The following GRIP2 variants were observed in gnomAD, a reference collection of about 807,000 sequenced individuals.
The protein encoded by GRIP2 is glutamate receptor-interacting protein 2.
In GRIP2, 58 loss-of-function variants were observed where a neutral mutation model predicts 108.3. That is an observed-to-expected ratio of 0.54 (90% CI 0.43 to 0.67). The LOEUF (loss-of-function observed/expected upper bound fraction) is 0.67. Ranked by LOEUF, GRIP2 falls within the 30% of genes least tolerant of loss-of-function variation. The pLI, the probability that GRIP2 is intolerant of heterozygous loss-of-function variation, is 0.00. For synonymous variants in GRIP2, 586 were observed against 598.2 expected (o/e 0.98, Z 0.30); for missense variants, 1,278 against 1,430.6 (o/e 0.89, Z 1.72).
chr3:14,516,548 T>C (rs1479484849), intron 11 of GRIP2, among the ~76,000 whole-genome samples: 1 of 152,250 alleles, frequency 6.6e-6, no homozygotes, highest in Non-Finnish European at 1.5e-5. Flanking sequence ...TAAATATCTT[T>C]ATTTCAAAAG....
the GRIP2 span, among the ~76,000 whole-genome samples, chr3:14,583,112 C>T: frequency 9.2e-5 from 14 of 152,196 alleles, no homozygotes; most frequent in Admixed American, 3.3e-4. Flanking sequence ...TGTCATTGCT[C>T]CCCTACCCCT....
rs964060760 is a variant in GRIP2, at chr3:14,517,713, GCCCC to G, written c.1156+55_1156+58del. ...TTCCTTCCCTTAGACAACAGGCATC[GCCCC>G]CTCCCTAGGAAAGGCTACAAGACTG... is the stretch of plus-strand genomic sequence containing the variant. On this transcript the variant is annotated intron_variant, in intron 10 of 23. Coordinates refer to ENST00000621039, the MANE Select transcript of GRIP2 (RefSeq NM_001080423.4). 1.6e-5 allele frequency: 25 copies of G among 1,588,370 alleles called. No individual in the cohort carries two copies. The Admixed American group carries it at 1.7e-4, about 11-fold the overall frequency.
chr3:14,585,589 C>T, the GRIP2 span, among the ~76,000 whole-genome samples: 5 of 152,294 alleles, frequency 3.3e-5, no homozygotes, highest in Non-Finnish European at 5.9e-5. Flanking sequence ...AGGAAACAGA[C>T]GTGAGCTGCA....
intron 19 of GRIP2, among the ~76,000 whole-genome samples, chr3:14,506,305 C>G (rs1693925252): frequency 6.6e-6 from 1 of 152,138 alleles, no homozygotes; most frequent in Admixed American, 6.5e-5. Flanking sequence ...GGCCAGCCAC[C>G]AGACTCAGAC....
chr3:14,584,317 A>G, the GRIP2 span, among the ~76,000 whole-genome samples: 1 of 152,104 alleles, frequency 6.6e-6, no homozygotes, highest in African/African-American at 2.4e-5. Flanking sequence ...AACAGACTCC[A>G]CTTGGGGCTG....
chr3:14,500,492 G>A (rs973737160), intron 21 of GRIP2, among the ~76,000 whole-genome samples: 1 of 152,176 alleles, frequency 6.6e-6, no homozygotes, highest in Non-Finnish European at 1.5e-5. Flanking sequence ...CTCCTGGAAA[G>A]AAAAGACACA....
intron 20 of GRIP2, among the ~76,000 whole-genome samples, chr3:14,504,877 C>T (rs1430762388): frequency 1.3e-5 from 2 of 151,696 alleles, no homozygotes. Context: ...CTAGGGGCCA[C>T]GCGTGGAGCT....
In GRIP2 at chr3:14,524,381, A is replaced by G. The variant is rs542284035; in HGVS notation, c.403+12T>C. On this transcript the variant is annotated intron_variant, in intron 4 of 23. Coordinates refer to ENST00000621039, the MANE Select transcript of GRIP2 (RefSeq NM_001080423.4). ...AGGCAGTGGAGAAAGTTCCCCGTCCAAGGGCACCCACCGGGCGGGGGCAGC... is the reference window on the plus strand; with the variant it reads ...AGGCAGTGGAGAAAGTTCCCCGTCCGAGGGCACCCACCGGGCGGGGGCAGC... 5.3e-5 allele frequency: 85 copies of G among 1,608,094 alleles called. No homozygotes were observed. The African/African-American group carries it at 7.6e-4, about 14-fold the overall frequency.
At position 14,521,710 on chromosome 3, in the gene GRIP2, G is replaced by A; in HGVS notation, c.644C>T (p.Ala215Val). 6.2e-7 allele frequency: 1 copy of A among 1,611,480 alleles called. No individual in the cohort carries two copies. The highest frequency in any genetic ancestry group is 1.3e-5 in the African/African-American group (1 of 75,030). ...GCTGCACTGCCGCAGGGTGGCCAGG[G>A]CGGTGGCATGGCTGGCCCCGTGCAG... ...IPLHGASHAT[A>V]LATLRQCSHE... The change falls in exon 7 of 24, where the codon GCC becomes GTC. Residue 215 changes from alanine (A) to valine (V), a missense_variant. Coordinates refer to ENST00000621039, the MANE Select transcript of GRIP2 (RefSeq NM_001080423.4). The surrounding 1 kb of genome is among the most constrained non-coding windows in gnomAD (Gnocchi z 5.1).
In GRIP2 at chr3:14,520,284, C is replaced by A. The variant is rs767698584; in HGVS notation, c.861-5G>T. ...CCAGGGTGCAGGGCTCCGCTCCTGG[C>A]CAGGCAGGGGAGTGAAGGCGGAGGC... On this transcript the variant is annotated splice_polypyrimidine_tract_variant and splice_region_variant and intron_variant, in intron 8 of 23. Coordinates refer to ENST00000621039, the MANE Select transcript of GRIP2 (RefSeq NM_001080423.4). The A allele has an allele frequency of 6.2e-7, 1 of 1,612,820 alleles. No homozygotes were observed.
At position 14,535,699 on chromosome 3, in the gene GRIP2, T is replaced by A. The variant is rs188356452; in HGVS notation, c.40+4570A>T. 2.6e-5 allele frequency among the ~76,000 whole-genome samples: 4 copies of A among 152,354 alleles called. No individual in the cohort carries two copies. In the East Asian group the frequency reaches 7.7e-4, roughly 29 times the overall value. On this transcript the variant is annotated intron_variant, in intron 1 of 23. Coordinates refer to ENST00000621039, the MANE Select transcript of GRIP2 (RefSeq NM_001080423.4). ...TGAGGCACAGAGAGGTCAAGGGAACTGCCCAGGGGCACAGAGCTTCTAAGT... is the reference window on the plus strand; with the variant it reads ...TGAGGCACAGAGAGGTCAAGGGAACAGCCCAGGGGCACAGAGCTTCTAAGT...
At position 14,491,245 on chromosome 3, in the gene GRIP2, A is replaced by G. The variant is rs1701328241; in HGVS notation, c.*2420T>C. 6.6e-6 allele frequency: 1 copy of G among 152,212 alleles called. No homozygotes were observed. The highest frequency in any genetic ancestry group is 2.1e-4 in the South Asian group (1 of 4,834). 9.4% of individuals were successfully genotyped at this position (152,212 alleles called of 1,614,324 possible). Reference sequence around the variant, plus strand: ...AAGCCACTGCAACCCCTGGTGGGACAAAGACTTAGACGAGGGCCCCAAACA... The same window carrying G: ...AAGCCACTGCAACCCCTGGTGGGACGAAGACTTAGACGAGGGCCCCAAACA... On this transcript the variant is annotated 3_prime_UTR_variant, in exon 24 of 24. Coordinates refer to ENST00000621039, the MANE Select transcript of GRIP2 (RefSeq NM_001080423.4).
upstream of GRIP2, among the ~76,000 whole-genome samples, chr3:14,558,337 C>T (rs1425862353): frequency 1.3e-5 from 2 of 152,204 alleles, no homozygotes; most frequent in African/African-American, 4.8e-5. Context: ...CGAGCCCCGC[C>T]TGGCTGGCTT....
At chr3:14,565,712 T>C in the GRIP2 span, among the ~76,000 whole-genome samples, 2 of 152,162 alleles carry the variant, frequency 1.3e-5, no homozygotes, top group Admixed American at 1.3e-4. Context: ...GGAAAGTGGG[T>C]GTGACAGACC....
intron 1 of GRIP2, among the ~76,000 whole-genome samples, chr3:14,552,753 T>C (rs1173474168): frequency 6.6e-6 from 1 of 151,418 alleles, no homozygotes; most frequent in Non-Finnish European, 1.5e-5. Context: ...CCACCACACA[T>C]GGCTAATTTT....
chr3:14,580,149 C>T, the GRIP2 span, among the ~76,000 whole-genome samples: 1 of 152,184 alleles, frequency 6.6e-6, no homozygotes, highest in Admixed American at 6.5e-5. Context: ...CACCTCCATA[C>T]CCCAGCACCC....
chr3:14,516,189 A>G (rs1694243770), intron 11 of GRIP2, among the ~76,000 whole-genome samples: 1 of 152,164 alleles, frequency 6.6e-6, no homozygotes, highest in African/African-American at 2.4e-5. Flanking sequence ...GGTGGTTAGT[A>G]GAGATATATT....
chr3:14,554,684 C>A (rs1182467951), intron 1 of GRIP2, among the ~76,000 whole-genome samples: 2 of 146,106 alleles, frequency 1.4e-5, no homozygotes, highest in Non-Finnish European at 3.0e-5. Flanking sequence ...CTAAGGAAGA[C>A]TCCCTGTGTA....
intron 2 of GRIP2, 73 bp from the exon 3 acceptor site, chr3:14,525,645 G>C: frequency 6.4e-7 from 1 of 1,572,846 alleles, no homozygotes; most frequent in Non-Finnish European, 8.7e-7. Context: ...TAAGATAAGC[G>C]AGGCGAGCAC....
Sources: allele counts gnomAD v4.1 joint callset (sites outside exome capture counted in the v4.1 genomes callset), GRCh38; gene constraint gnomAD v4.1.1; non-coding constraint Gnocchi (gnomAD v3.1); transcripts MANE v1.5; gene names NCBI Gene and HGNC (gene_info 2026-07-23, HGNC 2026-07-21).